The following WEE2 variants were observed in gnomAD, a reference collection of about 807,000 sequenced individuals.
WEE2 encodes the protein WEE2 oocyte meiosis inhibiting kinase, also known as wee1-like protein kinase 2.
In WEE2, 50 loss-of-function variants were observed where a neutral mutation model predicts 60.1. The observed-to-expected ratio is 0.83, with a 90% CI of 0.66 to 1.05. WEE2 has a LOEUF of 1.05. Ranked by LOEUF, WEE2 falls within the 50% of genes least tolerant of loss-of-function variation. WEE2 has a pLI of 0.00. For synonymous variants in WEE2, 240 were observed against 241.0 expected (o/e 1.00, Z 0.04); for missense variants, 631 against 684.3 (o/e 0.92, Z 0.87).
intron 10 of WEE2, among the ~76,000 whole-genome samples, chr7:141,728,685 C>T (rs573924011): frequency 6.6e-6 from 1 of 152,258 alleles, no homozygotes; most frequent in Admixed American, 6.5e-5. Context: ...GGTCCCCAGC[C>T]CCTGGGCCAT....
chr7:141,720,321 A>G (rs937090942), intron 4 of WEE2, among the ~76,000 whole-genome samples: 1 of 151,918 alleles, frequency 6.6e-6, no homozygotes, highest in Non-Finnish European at 1.5e-5. Flanking sequence ...ACACCTGGCT[A>G]GTTCTTCATT....
At chr7:141,712,858 T>C (rs1398493438) in intron 1 of WEE2, among the ~76,000 whole-genome samples, 2 of 152,188 alleles carry the variant, frequency 1.3e-5, no homozygotes, top group African/African-American at 2.4e-5. Flanking sequence ...TCAGAATGAC[T>C]TACTACAAAA....
chr7:141,721,976 C>T (rs1263874039), intron 5 of WEE2, among the ~76,000 whole-genome samples: 1 of 152,210 alleles, frequency 6.6e-6, no homozygotes, highest in Non-Finnish European at 1.5e-5. Flanking sequence ...CAATTTTACA[C>T]AGAATGCATT....
chr7:141,711,790 T>C lies in WEE2; in HGVS notation c.343-2419T>C. On this transcript the variant is annotated intron_variant, in intron 1 of 11. Coordinates refer to ENST00000397541, the MANE Select transcript of WEE2 (RefSeq NM_001105558.1). The surrounding 1 kb of genome is among the most constrained non-coding windows in gnomAD (Gnocchi z 4.2). ...CAGGCTGTACAGTAAGCATATTGCC[T>C]GTATCTGCTTCTGGTGAGGGCCTCA... The C allele has an allele frequency of 6.6e-6, 1 of 152,360 alleles. No homozygotes were observed. 9.4% of individuals were successfully genotyped at this position (152,360 alleles called of 1,614,324 possible).
intron 2 of WEE2, among the ~76,000 whole-genome samples, chr7:141,715,526 A>G (rs1798779810): frequency 6.6e-6 from 1 of 152,222 alleles, no homozygotes; most frequent in South Asian, 2.1e-4. Context: ...AAAAATCTAT[A>G]GCTAGTTGAA....
Position 141,730,524 on chromosome 7 carries a change from C to T in WEE2, c.*204C>T. On this transcript the variant is annotated 3_prime_UTR_variant, in exon 12 of 12. Transcript: ENST00000397541. ...ATGATGCTGTTCCTAAGAGAGAATT[C>T]CCAGCTTCTTTGAGGAAGTGGGTCT... 1.9e-6 allele frequency: 1 copy of T among 513,308 alleles called. No homozygotes were observed. The highest frequency in any genetic ancestry group is 3.2e-5 in the East Asian group (1 of 31,604). 31.8% of individuals were successfully genotyped at this position (513,308 alleles called of 1,614,324 possible).
chr7:141,714,241 AG>A lies in WEE2; in HGVS notation c.378del (p.Lys127SerfsTer10). On this transcript the variant is annotated frameshift_variant, in exon 2 of 12. Coordinates refer to ENST00000397541, the MANE Select transcript of WEE2 (RefSeq NM_001105558.1). LOFTEE classifies it high-confidence loss of function. ...TGAGCCGGTTGGTGATTTCTCCAAC[AG>A]GGAAGCTTCCTTCCAGAGGCCCTAA... ...MLSRLVISPT[G>X]KLPSRGPKHL... The A allele has an allele frequency of 6.2e-7, 1 of 1,612,762 alleles. No individual in the cohort carries two copies. The highest frequency in any genetic ancestry group is 8.5e-7 in the Non-Finnish European group (1 of 1,179,542).
intron 5 of WEE2, 89 bp from the exon 6 acceptor site, chr7:141,723,045 C>A (rs1016067764): frequency 5.2e-6 from 8 of 1,526,822 alleles, no homozygotes; most frequent in South Asian, 1.3e-5. Context: ...GGAACTAATA[C>A]CCTGAAGATA....
Position 141,729,556 on chromosome 7 carries a change from C to G in WEE2, c.1561C>G (p.Gln521Glu), listed in dbSNP as rs1198846824. Residue 521 changes from glutamine to glutamate, a missense_variant, in exon 11 of 12, where the codon CAG becomes GAG. By Grantham distance (29) the Gln-to-Glu change is conservative (BLOSUM62 2). Coordinates refer to ENST00000397541, the MANE Select transcript of WEE2 (RefSeq NM_001105558.1). ...ERELREAQQA[Q>E]SPQGYTHHGD... is the part of the protein sequence containing the mutation. Reference sequence around the variant, plus strand: ...GGAACTGAGAGAAGCCCAGCAGGCCCAGTCACCCCAGGGATATACCCATCA... The same window carrying G: ...GGAACTGAGAGAAGCCCAGCAGGCCGAGTCACCCCAGGGATATACCCATCA... 3.1e-6 allele frequency: 5 copies of G among 1,614,074 alleles called. No homozygotes were observed. Among genetic ancestry groups the G allele is most frequent in the Non-Finnish European group, 4.2e-6 (5 of 1,180,040 alleles).
intron 5 of WEE2, among the ~76,000 whole-genome samples, chr7:141,721,720 T>TA (rs1798915103): frequency 6.6e-6 from 1 of 152,090 alleles, no homozygotes; most frequent in Admixed American, 6.6e-5. Flanking sequence ...TGCCTCGGCC[T>TA]CCCAAAGTGC....
In WEE2 at chr7:141,727,325, G is replaced by A. The variant is rs375250945; in HGVS notation, c.1414G>A (p.Glu472Lys). 3.3e-5 allele frequency: 54 copies of A among 1,613,912 alleles called. 1 individual carries two copies. The highest frequency in any genetic ancestry group is 4.5e-5 in the East Asian group (2 of 44,900). Residue 472 changes from glutamate to lysine, a missense_variant, in exon 10 of 12, where the codon GAA becomes AAA. Physicochemically the swap from Glu to Lys is moderately conservative, Grantham distance 56. Transcript: ENST00000397541. ...LLKNMIQPDAEQRPSAAALAR... is the reference protein window; with the variant it reads ...LLKNMIQPDAKQRPSAAALAR... ...TCAGAACATGATCCAACCTGATGCC[G>A]AACAGAGACCTTCTGCAGCAGCTCT...
At position 141,727,299 on chromosome 7, in the gene WEE2, A is replaced by G; in HGVS notation, c.1393-5A>G. 1.9e-6 allele frequency: 3 copies of G among 1,613,234 alleles called. No individual in the cohort carries two copies. The highest frequency in any genetic ancestry group is 2.5e-6 in the Non-Finnish European group (3 of 1,179,702). ...GTTTCTTTCCTCTTGGTCCTATATC[A>G]TCAGAACATGATCCAACCTGATGCC... On this transcript the variant is annotated splice_polypyrimidine_tract_variant and splice_region_variant and intron_variant, in intron 9 of 11. Coordinates refer to ENST00000397541, the MANE Select transcript of WEE2 (RefSeq NM_001105558.1).
At chr7:141,727,926 C>T (rs1377424797) in intron 10 of WEE2, 1 of 154,236 alleles carries the variant, frequency 6.5e-6, no homozygotes, top group African/African-American at 2.4e-5. Context: ...CTCATGTGGG[C>T]TTGTATTCAT....
chr7:141,718,770 G>A (rs1798851044), intron 3 of WEE2, among the ~76,000 whole-genome samples: 1 of 152,140 alleles, frequency 6.6e-6, no homozygotes, highest in South Asian at 2.1e-4. Flanking sequence ...GGAGTGAGAA[G>A]TTGTGTCCCC....
chr7:141,729,409 C>A, intron 10 of WEE2, 122 bp from the exon 11 acceptor site: 1 of 1,338,454 alleles, frequency 7.5e-7, no homozygotes, highest in Non-Finnish European at 1.0e-6. Context: ...CTGTACATAG[C>A]TCAGGCTTTT....
chr7:141,728,885 A>G (rs1799072030), intron 10 of WEE2, among the ~76,000 whole-genome samples: 1 of 152,172 alleles, frequency 6.6e-6, no homozygotes, highest in African/African-American at 2.4e-5. Flanking sequence ...TCAAGAATCT[A>G]ATACCTGATG....
chr7:141,719,465 T>TTTTG (rs766784467), intron 4 of WEE2, among the ~76,000 whole-genome samples: 2 of 152,260 alleles, frequency 1.3e-5, no homozygotes, highest in East Asian at 1.9e-4. Context: ...CATGATGTGT[T>TTTTG]TTTGTTTGTT....
Position 141,714,806 on chromosome 7 carries a change from G to A in WEE2, c.539+401G>A, listed in dbSNP as rs139541026. Among the ~76,000 whole-genome samples, 323 of 152,300 alleles carry A rather than the reference G, an allele frequency of 2.1e-3. 2 individuals are homozygous for A. Among genetic ancestry groups the A allele is most frequent in the African/African-American group, 7.6e-3 (314 of 41,560 alleles). ...GAGTCTTGTGTGACTAGTGATGAAA[G>A]CTATAGAGCAAGGATTTGAACTTCT... On this transcript the variant is annotated intron_variant, in intron 2 of 11. Coordinates refer to ENST00000397541, the MANE Select transcript of WEE2 (RefSeq NM_001105558.1).
In WEE2 at chr7:141,714,373, A is replaced by C; in HGVS notation, c.507A>C (p.Gln169His). The C allele has an allele frequency of 6.2e-7, 1 of 1,611,680 alleles. No homozygotes were observed. Among genetic ancestry groups the C allele is most frequent in the Non-Finnish European group, 8.5e-7 (1 of 1,179,220 alleles). Reference sequence around the variant, plus strand: ...AGTCCTATAAAAAATTATTTCTTCAATCTGGTGGCAAGAGGAAAATAAGAG... The same window carrying C: ...AGTCCTATAAAAAATTATTTCTTCACTCTGGTGGCAAGAGGAAAATAAGAG... ...TPESYKKLFL[Q>H]SGGKRKIRGD... Residue 169 changes from glutamine to histidine, a missense_variant, in exon 2 of 12, where the codon CAA becomes CAC. Coordinates refer to ENST00000397541, the MANE Select transcript of WEE2 (RefSeq NM_001105558.1).
Sources: allele counts gnomAD v4.1 joint callset (sites outside exome capture counted in the v4.1 genomes callset), GRCh38; gene constraint gnomAD v4.1.1; non-coding constraint Gnocchi (gnomAD v3.1); transcripts MANE v1.5; gene names NCBI Gene and HGNC (gene_info 2026-07-23, HGNC 2026-07-21).